Variants in TRAF7 observed in about 807,000 individuals in gnomAD.
The protein encoded by TRAF7 is TNF receptor associated factor 7, also known as E3 ubiquitin-protein ligase TRAF7.
TRAF7 carries 45 observed loss-of-function variants against 89.3 expected under a neutral mutation model. That is an observed-to-expected ratio of 0.50 (90% CI 0.40 to 0.65). The LOEUF (loss-of-function observed/expected upper bound fraction) is 0.65, where lower values mean the gene tolerates loss of function less well. TRAF7 is among the 30% of genes least tolerant of loss of function. The pLI, the probability that TRAF7 is intolerant of heterozygous loss-of-function variation, is 0.00. For synonymous variants in TRAF7, 406 were observed against 369.2 expected, an observed-to-expected ratio of 1.10 and a Z score of -1.14; for missense variants, 677 against 918.1, an observed-to-expected ratio of 0.74 and a Z score of 3.39.
chr16:2,178,129 A>G lies in TRAF7; in HGVS notation c.*1555A>G, dbSNP rs943283637. 1 of 499,704 alleles carries G rather than the reference A, an allele frequency of 2.0e-6. No homozygotes were observed. Among genetic ancestry groups the G allele is most frequent in the Non-Finnish European group, 3.9e-6 (1 of 258,160 alleles). The allele number at this position is 499,704 out of a possible 1,614,324, so 31.0% of individuals were successfully genotyped here. ...AATAAATTAATACTCTTGATAGCTT[A>G]TATTCTGGGGGTGCGGTGGGGCAGG... is the stretch of plus-strand genomic sequence containing the variant. On this transcript the variant is annotated 3_prime_UTR_variant, in exon 21 of 21. Coordinates refer to ENST00000326181, the MANE Select transcript of TRAF7 (RefSeq NM_032271.3).
intron 1 of TRAF7, among the ~76,000 whole-genome samples, chr16:2,157,744 G>T (rs1230036870): frequency 2.0e-5 from 3 of 152,148 alleles, no homozygotes; most frequent in Non-Finnish European, 2.9e-5. Context: ...CCACTCCCCG[G>T]CTTGGCATGG....
At position 2,168,117 on chromosome 16, in the gene TRAF7, C is replaced by T. The variant is rs772655558; in HGVS notation, c.180C>T (p.Pro60=). Reference sequence around the variant, plus strand: ...CCTACAAGCAGCACTGCAGGACACCCTCCTCCTCCAGCACCCTTGCCTACT... The same window carrying T: ...CCTACAAGCAGCACTGCAGGACACCTTCCTCCTCCAGCACCCTTGCCTACT... The part of the protein sequence containing the change: ...TSTYKQHCRT[P]SSSSTLAYSP... The change falls in exon 4 of 21, where the codon CCC becomes CCT. Residue 60 remains proline, a synonymous_variant. Transcript: ENST00000326181. This position sits in a 1 kb window ranked among gnomAD's most constrained non-coding sequence, Gnocchi z 4.1. 6.2e-7 allele frequency: 1 copy of T among 1,612,192 alleles called. No individual in the cohort carries two copies.
chr16:2,176,507 G>C, intron 20 of TRAF7, 53 bp from the exon 21 acceptor site: 1 of 1,613,020 alleles, frequency 6.2e-7, no homozygotes, highest in Non-Finnish European at 8.5e-7. Context: ...GGTGTGGCTG[G>C]GGCAGGGCAG....
At chr16:2,167,221 G>A (rs1384614044) in intron 3 of TRAF7, among the ~76,000 whole-genome samples, 3 of 152,142 alleles carry the variant, frequency 2.0e-5, no homozygotes, top group Admixed American at 6.5e-5. Flanking sequence ...TGGCCCCTCG[G>A]CGGCAGGGAT....
At chr16:2,166,442 T>C (rs1440428428) in intron 3 of TRAF7, among the ~76,000 whole-genome samples, 4 of 152,156 alleles carry the variant, frequency 2.6e-5, no homozygotes, top group African/African-American at 9.7e-5. Context: ...CGGGTGTCAC[T>C]CTGTCACCCA....
Position 2,175,872 on chromosome 16 carries a change from G to T in TRAF7, c.1665G>T (p.Leu555=). The T allele has an allele frequency of 6.2e-7, 1 of 1,613,570 alleles. No homozygotes were observed. The highest frequency in any genetic ancestry group is 8.5e-7 in the Non-Finnish European group (1 of 1,179,984). ...DIRTLDCIHV[L]QTSGGSVYSI... ...GAACCCTTGACTGCATCCACGTCCTGCAGACGTCTGGTGGCAGCGTCTACT... is the reference window on the plus strand; with the variant it reads ...GAACCCTTGACTGCATCCACGTCCTTCAGACGTCTGGTGGCAGCGTCTACT... The change falls in exon 18 of 21, where the codon CTG becomes CTT. Residue 555 remains leucine (L), a synonymous_variant. Coordinates refer to ENST00000326181, the MANE Select transcript of TRAF7 (RefSeq NM_032271.3).
At position 2,175,865 on chromosome 16, in the gene TRAF7, A is replaced by G. The variant is rs2141297106; in HGVS notation, c.1658A>G (p.His553Arg). 3 of 1,613,516 alleles carry G rather than the reference A, an allele frequency of 1.9e-6. No homozygotes were observed. The highest frequency in any genetic ancestry group is 2.5e-6 in the Non-Finnish European group (3 of 1,179,968). ...GACATCCGAACCCTTGACTGCATCC[A>G]CGTCCTGCAGACGTCTGGTGGCAGC... ...IWDIRTLDCIHVLQTSGGSVY... is the reference protein window; with the variant it reads ...IWDIRTLDCIRVLQTSGGSVY... Residue 553 changes from histidine (H) to arginine (R), a missense_variant, in exon 18 of 21, where the codon CAC becomes CGC. This residue lies in a region of TRAF7 where 160 missense variants were observed against 263.7 expected (regional missense o/e 0.61). Transcript: ENST00000326181.
At position 2,176,177 on chromosome 16, in the gene TRAF7, C is replaced by T. The variant is rs779498880; in HGVS notation, c.1875C>T (p.Leu625=). The T allele has an allele frequency of 1.4e-5, 23 of 1,605,674 alleles. No homozygotes were observed. The highest frequency in any genetic ancestry group is 1.8e-5 in the Non-Finnish European group (21 of 1,178,974). ...KVFSASYDRS[L]RVWSMDNMIC... is the part of the protein sequence containing the mutation. Reference sequence around the variant, plus strand: ...TCAGTGCATCCTACGACCGGTCCCTCAGGGTGCGTGCTGGCCCAGCGGTGG... The same window carrying T: ...TCAGTGCATCCTACGACCGGTCCCTTAGGGTGCGTGCTGGCCCAGCGGTGG... Residue 625 remains leucine (L), a synonymous_variant, in exon 19 of 21, where the codon CTC becomes CTT. Coordinates refer to ENST00000326181, the MANE Select transcript of TRAF7 (RefSeq NM_032271.3).
At chr16:2,170,057 T>G (rs1347698650) in intron 4 of TRAF7, among the ~76,000 whole-genome samples, 1 of 152,156 alleles carries the variant, frequency 6.6e-6, no homozygotes, top group African/African-American at 2.4e-5. Flanking sequence ...TGGCCCTCAC[T>G]CCTGCCCTCG....
intron 1 of TRAF7, among the ~76,000 whole-genome samples, chr16:2,160,591 G>GTGGT (rs1228968231): frequency 5.4e-5 from 8 of 147,136 alleles, no homozygotes; most frequent in Non-Finnish European, 1.2e-4. Context: ...TCGGGCAGGC[G>GTGGT]TGGTGGGGAC....
chr16:2,176,016 T>G lies in TRAF7; in HGVS notation c.1747-33T>G, dbSNP rs756249267. 5.0e-6 allele frequency: 8 copies of G among 1,610,112 alleles called. No homozygotes were observed. In the East Asian group the frequency reaches 1.6e-4, roughly 31 times the overall value. ...GCCCCGTCTCCCCCGCCTTGCTCAGTGTCTTTGACCTGCCTGTGCCCACCC... is the reference window on the plus strand; with the variant it reads ...GCCCCGTCTCCCCCGCCTTGCTCAGGGTCTTTGACCTGCCTGTGCCCACCC... On this transcript the variant is annotated intron_variant, in intron 18 of 20. Coordinates refer to ENST00000326181, the MANE Select transcript of TRAF7 (RefSeq NM_032271.3).
At chr16:2,157,000 G>A (rs961038842) in intron 1 of TRAF7, among the ~76,000 whole-genome samples, 2 of 152,098 alleles carry the variant, frequency 1.3e-5, no homozygotes, top group Non-Finnish European at 2.9e-5. Context: ...GCCTGCTGGA[G>A]CCCACCCTGC....
chr16:2,160,361 C>T (rs756583298), intron 1 of TRAF7, among the ~76,000 whole-genome samples: 24 of 151,954 alleles, frequency 1.6e-4, no homozygotes, highest in Non-Finnish European at 2.5e-4. Flanking sequence ...TCCTCAATGA[C>T]TTTTCTCTTT....
In TRAF7 at chr16:2,176,247, C is replaced by T. The variant is rs376186062; in HGVS notation, c.1879-18C>T. 17 of 1,600,734 alleles carry T rather than the reference C, an allele frequency of 1.1e-5. No homozygotes were observed. The highest frequency in any genetic ancestry group is 3.3e-4 in the Middle Eastern group (2 of 6,056). Reference sequence around the variant, plus strand: ...GCAGCTGAGCTCCGGCGGGCCCTCACGTCCCATGTGCCCCCAGGTCTGGAG... The same window carrying T: ...GCAGCTGAGCTCCGGCGGGCCCTCATGTCCCATGTGCCCCCAGGTCTGGAG... On this transcript the variant is annotated intron_variant, in intron 19 of 20. Coordinates refer to ENST00000326181, the MANE Select transcript of TRAF7 (RefSeq NM_032271.3).
At chr16:2,171,115 A>T in intron 5 of TRAF7, 149 bp from the exon 6 acceptor site, 1 of 658,618 alleles carries the variant, frequency 1.5e-6, no homozygotes, top group South Asian at 1.9e-5. Context: ...GCCCCGATCA[A>T]GCCCCCCAGC....
Position 2,161,161 on chromosome 16 carries a change from G to C in TRAF7, c.-38-2722G>C, listed in dbSNP as rs1434135086. ...GAACTGGGAAGCAGCCTCCTGTGCAGAGTATCCCCCTCCTTCCCTCCCTCC... is the reference window on the plus strand; with the variant it reads ...GAACTGGGAAGCAGCCTCCTGTGCACAGTATCCCCCTCCTTCCCTCCCTCC... On this transcript the variant is annotated intron_variant, in intron 1 of 20. Transcript: ENST00000326181. The surrounding 1 kb of genome is among the most constrained non-coding windows in gnomAD (Gnocchi z 5.2). 6.6e-6 allele frequency among the ~76,000 whole-genome samples: 1 copy of C among 151,630 alleles called. No homozygotes were observed. Among genetic ancestry groups the C allele is most frequent in the Admixed American group, 6.6e-5 (1 of 15,258 alleles).
Position 2,163,880 on chromosome 16 carries a change from C to A in TRAF7, c.-38-3C>A. ...AAGCCCCTCATTTGTGCTCCACCCA[C>A]AGGAGGTGCTTCCCAAGGACCGTAG... On this transcript the variant is annotated splice_polypyrimidine_tract_variant and splice_region_variant and intron_variant, in intron 1 of 20. Transcript: ENST00000326181. This position sits in a 1 kb window ranked among gnomAD's most constrained non-coding sequence, Gnocchi z 4.3. The A allele has an allele frequency of 1.3e-6, 2 of 1,570,156 alleles. No homozygotes were observed. Among genetic ancestry groups the A allele is most frequent in the Non-Finnish European group, 1.7e-6 (2 of 1,145,358 alleles).
rs1007129261 is a variant in TRAF7, at chr16:2,163,472, C to T, written c.-38-411C>T. The T allele has an allele frequency of 2.0e-5, 4 of 198,998 alleles. No homozygotes were observed. Among genetic ancestry groups the T allele is most frequent in the Non-Finnish European group, 4.2e-5 (4 of 94,450 alleles). The allele number at this position is 198,998 out of a possible 1,614,324, so 12.3% of individuals were successfully genotyped here. On this transcript the variant is annotated intron_variant, in intron 1 of 20. Transcript: ENST00000326181. The surrounding 1 kb of genome is among the most constrained non-coding windows in gnomAD (Gnocchi z 4.3). ...GGCTGGTCCCTGTGTGACTGCGTCC[C>T]GCCACGTGGGCCACACCCTGGGCCT... is the stretch of plus-strand genomic sequence containing the variant.
chr16:2,165,753 A>G (rs1248942989), intron 2 of TRAF7, 126 bp from the exon 3 acceptor site: 52 of 1,075,432 alleles, frequency 4.8e-5, no homozygotes, highest in South Asian at 1.3e-4. Context: ...GCCTGGTCGC[A>G]TGGTTAAGTG....
Sources: allele counts gnomAD v4.1 joint callset (sites outside exome capture counted in the v4.1 genomes callset), GRCh38; gene constraint gnomAD v4.1.1; regional missense constraint gnomAD v4.1.1; non-coding constraint Gnocchi (gnomAD v3.1); transcripts MANE v1.5; gene names NCBI Gene and HGNC (gene_info 2026-07-23, HGNC 2026-07-21).